RAD51B: variants seen among roughly 807,000 people sequenced by gnomAD.
The protein encoded by RAD51B is DNA repair protein RAD51 homolog 2.
RAD51B carries 38 observed loss-of-function variants against 42.2 expected under a neutral mutation model. The ratio of observed to expected loss-of-function variants is 0.90; its 90% CI spans 0.70 to 1.18. The LOEUF is 1.18. Ranked by LOEUF, RAD51B falls within the 50% of genes most tolerant of loss-of-function variation. The pLI is 0.00. For missense variants in RAD51B, 373 were observed against 400.7 expected (o/e 0.93, Z 0.59); for synonymous variants, 154 against 145.2 (o/e 1.06, Z -0.43).
At chr14:68,550,520 T>C (rs1420830267) in intron 10 of RAD51B, among the ~76,000 whole-genome samples, 1 of 152,224 alleles carries the variant, frequency 6.6e-6, no homozygotes, top group African/African-American at 2.4e-5. Flanking sequence ...GTGTGCCTGG[T>C]GTACTTTTAA....
At chr14:67,831,614 G>A (rs113592702) in intron 3 of RAD51B, among the ~76,000 whole-genome samples, 2,285 of 152,084 alleles carry the variant, frequency 0.015, 62 homozygotes, top group African/African-American at 0.051. Flanking sequence ...TTGGCTCACC[G>A]CAACCTCCGC....
Position 68,402,723 on chromosome 14 carries a change from A to G in RAD51B, c.854-8701A>G, listed in dbSNP as rs370661558. Reference sequence around the variant, plus strand: ...TCAAAGACAGCGCATGGAGTGGTGCATTCTCAAACTTCCTGGAACAAGTGA... The same window carrying G: ...TCAAAGACAGCGCATGGAGTGGTGCGTTCTCAAACTTCCTGGAACAAGTGA... On this transcript the variant is annotated intron_variant, in intron 8 of 10. Transcript: ENST00000471583. 3.9e-5 allele frequency among the ~76,000 whole-genome samples: 6 copies of G among 152,352 alleles called. No individual in the cohort carries two copies. In the East Asian group the frequency reaches 5.8e-4, roughly 15 times the overall value.
At chr14:68,179,149 T>C (rs2079013166) in intron 7 of RAD51B, among the ~76,000 whole-genome samples, 2 of 152,224 alleles carry the variant, frequency 1.3e-5, no homozygotes. Flanking sequence ...GCTTTCATTA[T>C]GTGTGAAGCA....
At chr14:67,924,430 G>A (rs2044433150) in intron 7 of RAD51B, among the ~76,000 whole-genome samples, 1 of 152,012 alleles carries the variant, frequency 6.6e-6, no homozygotes. Flanking sequence ...CCATTTTTAC[G>A]CTGCTGGTAA....
chr14:68,580,856 G>A (rs773105508), intron 10 of RAD51B, among the ~76,000 whole-genome samples: 6 of 152,170 alleles, frequency 3.9e-5, no homozygotes, highest in Non-Finnish European at 8.8e-5. Context: ...AGCCTTGTAT[G>A]TGCACAGGCC....
At chr14:68,234,833 C>T (rs1476408435) in intron 7 of RAD51B, among the ~76,000 whole-genome samples, 1 of 152,084 alleles carries the variant, frequency 6.6e-6, no homozygotes, top group African/African-American at 2.4e-5. Context: ...ATTTATTTTA[C>T]AAATTTTCAA....
chr14:68,490,512 T>G (rs1883979736), intron 10 of RAD51B, among the ~76,000 whole-genome samples: 1 of 152,228 alleles, frequency 6.6e-6, no homozygotes, highest in Non-Finnish European at 1.5e-5. Context: ...TTTGAAAAGA[T>G]TCTCTAAGAC....
At chr14:68,374,946 C>G (rs2083336141) in intron 8 of RAD51B, among the ~76,000 whole-genome samples, 1 of 151,452 alleles carries the variant, frequency 6.6e-6, no homozygotes, top group South Asian at 2.1e-4. Context: ...ATCTGATGAG[C>G]CTCGGCTGGC....
intron 10 of RAD51B, among the ~76,000 whole-genome samples, chr14:68,582,537 T>C (rs551669116): frequency 1.3e-5 from 2 of 152,276 alleles, no homozygotes; most frequent in Admixed American, 6.5e-5. Flanking sequence ...GAAATAGGAA[T>C]GCTTTTACAC....
At chr14:68,451,055 T>C (rs1488168514) in intron 9 of RAD51B, among the ~76,000 whole-genome samples, 1 of 152,196 alleles carries the variant, frequency 6.6e-6, no homozygotes, top group Non-Finnish European at 1.5e-5. Flanking sequence ...TTCAGGGCCC[T>C]CTGTTTCAGG....
intron 9 of RAD51B, among the ~76,000 whole-genome samples, chr14:68,465,802 G>A (rs2085959025): frequency 6.6e-6 from 1 of 151,908 alleles, no homozygotes. Context: ...TTAGCTGGGT[G>A]TGGTGGTGGG....
At chr14:68,012,432 T>G (rs746056815) in intron 7 of RAD51B, among the ~76,000 whole-genome samples, 5 of 150,980 alleles carry the variant, frequency 3.3e-5, no homozygotes, top group African/African-American at 4.9e-5. Flanking sequence ...ACAAAGAATT[T>G]TATATATATA....
At chr14:68,648,967 C>T (rs1892643055) in intron 10 of RAD51B, among the ~76,000 whole-genome samples, 2 of 152,056 alleles carry the variant, frequency 1.3e-5, no homozygotes, top group South Asian at 4.2e-4. Flanking sequence ...GACTGATGAC[C>T]AAGAGTCCAG....
At chr14:67,884,225 T>C (rs890236471) in intron 5 of RAD51B, among the ~76,000 whole-genome samples, 3 of 152,226 alleles carry the variant, frequency 2.0e-5, no homozygotes, top group African/African-American at 7.2e-5. Context: ...AGGTTGTTCA[T>C]GTCTATCCAT....
chr14:68,567,731 G>C (rs1369948797), intron 10 of RAD51B, among the ~76,000 whole-genome samples: 1 of 152,224 alleles, frequency 6.6e-6, no homozygotes, highest in African/African-American at 2.4e-5. Flanking sequence ...CCCAGTGACT[G>C]TAATCTGCAT....
chr14:68,338,571 A>T (rs1171407409), intron 8 of RAD51B, among the ~76,000 whole-genome samples: 1 of 152,142 alleles, frequency 6.6e-6, no homozygotes, highest in Non-Finnish European at 1.5e-5. Context: ...TGGCTTAAAC[A>T]TGGCTGCCAA....
intron 7 of RAD51B, among the ~76,000 whole-genome samples, chr14:68,234,801 C>T (rs1485342932): frequency 2.0e-5 from 3 of 152,100 alleles, no homozygotes; most frequent in Non-Finnish European, 4.4e-5. Context: ...ATTTTATAAA[C>T]ACTACACTTA....
chr14:67,905,877 C>A (rs1464669001), intron 7 of RAD51B, among the ~76,000 whole-genome samples: 2 of 152,046 alleles, frequency 1.3e-5, no homozygotes, highest in Non-Finnish European at 2.9e-5. Flanking sequence ...TTCCTCTCTT[C>A]CTGTCTGGAT....
chr14:67,958,008 A>G (rs187907469), intron 7 of RAD51B, among the ~76,000 whole-genome samples: 36 of 152,336 alleles, frequency 2.4e-4, no homozygotes, highest in African/African-American at 8.4e-4. Context: ...GTATTATACA[A>G]AATACATTGC....
Sources: allele counts gnomAD v4.1 joint callset (sites outside exome capture counted in the v4.1 genomes callset), GRCh38; gene constraint gnomAD v4.1.1; transcripts MANE v1.5; gene names NCBI Gene and HGNC (gene_info 2026-07-23, HGNC 2026-07-21).